Variants in ATP6V0A1 observed in about 807,000 individuals in gnomAD.
ATP6V0A1 encodes the protein V-type proton ATPase 116 kDa subunit a 1.
A neutral mutation model predicts 105.4 loss-of-function variants in ATP6V0A1; 43 were observed. The observed-to-expected ratio is 0.41, with a 90% CI of 0.32 to 0.53. The LOEUF (loss-of-function observed/expected upper bound fraction) is 0.53. Among genes scored for constraint, ATP6V0A1 ranks in the 20% least tolerant of loss-of-function variants. The probability of loss-of-function intolerance (pLI) is 0.30; values close to 1 mark genes in which losing one functional copy is unlikely to be tolerated. For synonymous variants in ATP6V0A1, 362 were observed against 372.8 expected, an observed-to-expected ratio of 0.97 and a Z score of 0.33; for missense variants, 676 against 1,051.1, an observed-to-expected ratio of 0.64 and a Z score of 4.93.
intron 21 of ATP6V0A1, 79 bp downstream of exon 21, chr17:42,514,539 C>T: frequency 7.2e-7 from 1 of 1,384,320 alleles, no homozygotes; most frequent in Non-Finnish European, 9.8e-7. Context: ...TTCTCCCACA[C>T]ACAGCCCTGC....
chr17:42,468,731 C>T (rs1041593533), intron 4 of ATP6V0A1, among the ~76,000 whole-genome samples: 1 of 152,128 alleles, frequency 6.6e-6, no homozygotes, highest in Non-Finnish European at 1.5e-5. Context: ...TTTTTATGGC[C>T]AGACCATATG....
rs142860137 is a variant in ATP6V0A1 at position 42,504,469 on chromosome 17, C to T, written c.2005-3051C>T. Among the ~76,000 whole-genome samples, 97 of 152,162 alleles carry T rather than the reference C, an allele frequency of 6.4e-4. No individual in the cohort carries two copies. In the Middle Eastern group the frequency reaches 0.01, roughly 16 times the overall value. On this transcript the variant is annotated intron_variant, in intron 17 of 21. Transcript: ENST00000343619. ...ACTTTGGGAGCCTTGAACCTTGAAG[C>T]CTTCCTCCTATATCTTATAACCCAG...
chr17:42,472,051 C>CT (rs11428880), intron 5 of ATP6V0A1, among the ~76,000 whole-genome samples: 81,485 of 129,968 alleles, frequency 0.63, 25,892 homozygotes, highest in East Asian at 0.82. Context: ...TATAGAGGCC[C>CT]TTTTTTTTTT....
At chr17:42,515,232 T>A (rs765750709) in intron 21 of ATP6V0A1, among the ~76,000 whole-genome samples, 1 of 150,992 alleles carries the variant, frequency 6.6e-6, no homozygotes, top group Non-Finnish European at 1.5e-5. Flanking sequence ...TTTGGGAGGC[T>A]AAGGCAGGTG....
At chr17:42,461,093 T>C in intron 2 of ATP6V0A1, 82 bp downstream of exon 2, 1 of 1,215,154 alleles carries the variant, frequency 8.2e-7, no homozygotes, top group Non-Finnish European at 1.2e-6. Context: ...GAATGTTTTG[T>C]TTTTTATTTG....
At chr17:42,464,460 T>C (rs1480502875) in intron 2 of ATP6V0A1, among the ~76,000 whole-genome samples, 1 of 152,062 alleles carries the variant, frequency 6.6e-6, no homozygotes, top group Non-Finnish European at 1.5e-5. Flanking sequence ...TGGAGTGCAG[T>C]GGCACGATCT....
At chr17:42,478,926 G>A (rs1335572965) in intron 7 of ATP6V0A1, 1 of 151,948 alleles carries the variant, frequency 6.6e-6, no homozygotes, top group East Asian at 1.9e-4. Flanking sequence ...TTTTTTTTGA[G>A]GTGGAGTCTC....
chr17:42,469,628 G>T (rs2145714676), intron 4 of ATP6V0A1, among the ~76,000 whole-genome samples: 1 of 151,946 alleles, frequency 6.6e-6, no homozygotes, highest in South Asian at 2.1e-4. Context: ...GAGTCACCAT[G>T]CCCGGCCAGG....
chr17:42,482,567 T>G (rs991159301), intron 8 of ATP6V0A1, among the ~76,000 whole-genome samples: 1 of 151,988 alleles, frequency 6.6e-6, no homozygotes, highest in African/African-American at 2.4e-5. Context: ...ATAGTTCGGA[T>G]GCTATAATTG....
chr17:42,477,091 T>A (rs1274478887), intron 5 of ATP6V0A1, among the ~76,000 whole-genome samples: 1 of 152,208 alleles, frequency 6.6e-6, no homozygotes, highest in East Asian at 1.9e-4. Flanking sequence ...CTTCTGTCTT[T>A]CTCCAGACTT....
chr17:42,487,523 C>T (rs754404402), intron 10 of ATP6V0A1, among the ~76,000 whole-genome samples, 156 bp downstream of exon 10: 10 of 152,042 alleles, frequency 6.6e-5, no homozygotes, highest in African/African-American at 1.7e-4. Context: ...GTCAAGAGAT[C>T]GAGACCATCC....
Position 42,498,236 on chromosome 17 carries a change from C to CAATA in ATP6V0A1, c.1561-666_1561-663dup, listed in dbSNP as rs570097007. ...GGGCAAAAAGAGCGAAATTCCATCT[C>CAATA]AATAAATAAATAAATAAATAAATAA... On this transcript the variant is annotated intron_variant, in intron 14 of 21. Coordinates refer to ENST00000343619, the MANE Select transcript of ATP6V0A1 (RefSeq NM_001130021.3). 7.4e-4 allele frequency among the ~76,000 whole-genome samples: 112 copies of CAATA among 152,006 alleles called. 1 individual carries two copies. Among genetic ancestry groups the CAATA allele is most frequent in the African/African-American group, 1.9e-3 (79 of 41,458 alleles).
intron 8 of ATP6V0A1, 57 bp downstream of exon 8, chr17:42,480,806 C>A: frequency 6.6e-7 from 1 of 1,507,708 alleles, no homozygotes; most frequent in Non-Finnish European, 9.1e-7. Flanking sequence ...ACTGTTGAGT[C>A]TTAAAGTTCA....
At position 42,478,455 on chromosome 17, in the gene ATP6V0A1, C is replaced by G. The variant is rs368360429; in HGVS notation, c.507-8C>G. On this transcript the variant is annotated splice_polypyrimidine_tract_variant and splice_region_variant and intron_variant, in intron 6 of 21. Coordinates refer to ENST00000343619, the MANE Select transcript of ATP6V0A1 (RefSeq NM_001130021.3). ...ATAGAGTTTCCAATCTGCCTCTTCT[C>G]CCCACAGCTTCGTGGCTGGTGTCAT... The G allele has an allele frequency of 6.3e-7, 1 of 1,592,196 alleles. No individual in the cohort carries two copies. The highest frequency in any genetic ancestry group is 8.6e-7 in the Non-Finnish European group (1 of 1,166,960).
rs150332921 is a variant in ATP6V0A1 at position 42,507,618 on chromosome 17, C to T, written c.2103C>T (p.Asp701=). Residue 701 remains aspartate, a synonymous_variant, in exon 18 of 22, where the codon GAC becomes GAT. Transcript: ENST00000343619. The stretch of plus-strand genomic sequence containing the variant: ...ACCAGCTCTCCACCCACTCAGAGGA[C>T]GCAGACGAGGTAAGATCCCGTGGTG... ...QHDQLSTHSE[D]ADEPSEDEVF... 81 of 1,613,794 alleles carry T rather than the reference C, an allele frequency of 5.0e-5. No homozygotes were observed. In the Middle Eastern group the frequency reaches 6.6e-4, roughly 13 times the overall value.
chr17:42,461,786 A>G (rs1300193008), intron 2 of ATP6V0A1, among the ~76,000 whole-genome samples: 1 of 152,000 alleles, frequency 6.6e-6, no homozygotes, highest in Non-Finnish European at 1.5e-5. Flanking sequence ...CAACAACAAC[A>G]ACAAAAAACT....
At position 42,476,072 on chromosome 17, in the gene ATP6V0A1, T is replaced by C. The variant is rs140060471; in HGVS notation, c.424-1588T>C. On this transcript the variant is annotated intron_variant, in intron 5 of 21. Coordinates refer to ENST00000343619, the MANE Select transcript of ATP6V0A1 (RefSeq NM_001130021.3). ...GATAAACCAAGAACAAGTTGAAATGTTGTAATCATCGGGATCCTGAAAACA... is the reference window on the plus strand; with the variant it reads ...GATAAACCAAGAACAAGTTGAAATGCTGTAATCATCGGGATCCTGAAAACA... 1.8e-3 allele frequency among the ~76,000 whole-genome samples: 267 copies of C among 152,292 alleles called. 1 individual carries two copies. The highest frequency in any genetic ancestry group is 3.1e-3 in the Non-Finnish European group (208 of 68,036).
intron 2 of ATP6V0A1, among the ~76,000 whole-genome samples, chr17:42,465,550 A>G (rs193055960): frequency 1.3e-5 from 2 of 151,458 alleles, no homozygotes; most frequent in East Asian, 4.0e-4. Flanking sequence ...TTGGCCTCCC[A>G]AAATGCTGGG....
intron 12 of ATP6V0A1, 194 bp from the exon 13 acceptor site, chr17:42,494,840 A>T (rs1255033277): frequency 3.5e-6 from 2 of 575,458 alleles, no homozygotes; most frequent in South Asian, 7.9e-5. Flanking sequence ...TGCCAACCTA[A>T]TAAAAAAATA....
Sources: allele counts gnomAD v4.1 joint callset (sites outside exome capture counted in the v4.1 genomes callset), GRCh38; gene constraint gnomAD v4.1.1; transcripts MANE v1.5; gene names NCBI Gene and HGNC (gene_info 2026-07-23, HGNC 2026-07-21).